The following MTHFD1L variants were observed in gnomAD, a reference collection of about 807,000 sequenced individuals.
MTHFD1L encodes the protein methylenetetrahydrofolate dehydrogenase (NADP+ dependent) 1 like, also known as monofunctional C1-tetrahydrofolate synthase, mitochondrial.
MTHFD1L carries 81 observed loss-of-function variants against 119.5 expected under a neutral mutation model. The observed-to-expected ratio is 0.68, with a 90% confidence interval of 0.57 to 0.82. The LOEUF is 0.82. MTHFD1L is among the 40% of genes least tolerant of loss of function. The pLI is 0.00. For missense variants in MTHFD1L, 1,125 were observed against 1,253.4 expected (o/e 0.90, Z 1.55); for synonymous variants, 430 against 475.2 (o/e 0.90, Z 1.24).
chr6:150,869,317 C>G (rs898573325), intron 1 of MTHFD1L, among the ~76,000 whole-genome samples: 1 of 152,066 alleles, frequency 6.6e-6, no homozygotes, highest in East Asian at 1.9e-4. Context: ...CTAATGCTCT[C>G]CCTCCTCTTG....
chr6:151,032,081 T>C (rs1308202230), intron 24 of MTHFD1L, among the ~76,000 whole-genome samples: 1 of 152,250 alleles, frequency 6.6e-6, no homozygotes, highest in African/African-American at 2.4e-5. Flanking sequence ...GATTGATAGC[T>C]AGTAGAAAAG....
chr6:151,044,288 G>A (rs374157563), intron 26 of MTHFD1L, among the ~76,000 whole-genome samples: 93 of 150,592 alleles, frequency 6.2e-4, no homozygotes, highest in African/African-American at 2.2e-3. Context: ...CACCGCATGG[G>A]TACATTCTTT....
intron 14 of MTHFD1L, 41 bp from the exon 15 acceptor site, chr6:150,945,426 A>G (rs1220067985): frequency 6.5e-7 from 1 of 1,539,664 alleles, no homozygotes; most frequent in African/African-American, 1.4e-5. Context: ...TTCATGGACA[A>G]CTAACTTTTG....
chr6:151,042,704 A>T (rs774661413), intron 26 of MTHFD1L, among the ~76,000 whole-genome samples: 1 of 152,246 alleles, frequency 6.6e-6, no homozygotes, highest in Non-Finnish European at 1.5e-5. Flanking sequence ...ATGTAAGCAA[A>T]GTATATGAAA....
intron 17 of MTHFD1L, among the ~76,000 whole-genome samples, chr6:150,957,893 A>T (rs1795872225): frequency 6.6e-6 from 1 of 152,182 alleles, no homozygotes; most frequent in African/African-American, 2.4e-5. Flanking sequence ...GATGTATGCC[A>T]ACTGTTGGCA....
intron 4 of MTHFD1L, among the ~76,000 whole-genome samples, chr6:150,881,005 A>G (rs1294275578): frequency 5.3e-5 from 8 of 152,274 alleles, no homozygotes; most frequent in Non-Finnish European, 8.8e-5. Context: ...TGTCGGACGC[A>G]TACTTTGCAA....
intron 8 of MTHFD1L, among the ~76,000 whole-genome samples, chr6:150,912,505 G>A (rs6913453): frequency 0.075 from 11,342 of 152,196 alleles, 724 homozygotes; most frequent in African/African-American, 0.17. Flanking sequence ...GCAGAGCCGA[G>A]ATGGCATGAA....
chr6:150,951,033 G>GT (rs562283052), intron 16 of MTHFD1L, among the ~76,000 whole-genome samples: 18,587 of 125,750 alleles, frequency 0.15, 2,102 homozygotes, highest in Admixed American at 0.22. Context: ...AAACTTTATG[G>GT]TTTTTTTTTT....
intron 11 of MTHFD1L, among the ~76,000 whole-genome samples, chr6:150,927,823 G>C (rs1790301586): frequency 6.6e-6 from 1 of 152,074 alleles, no homozygotes; most frequent in African/African-American, 2.4e-5. Context: ...CCCAGGATGA[G>C]GGTGGAGATC....
intron 19 of MTHFD1L, among the ~76,000 whole-genome samples, chr6:150,965,426 C>G (rs1055346962): frequency 1.3e-5 from 2 of 151,962 alleles, no homozygotes; most frequent in Non-Finnish European, 2.9e-5. Flanking sequence ...TTTGTGAGGC[C>G]GAGGTGGGCG....
intron 20 of MTHFD1L, among the ~76,000 whole-genome samples, chr6:150,998,989 T>TA (rs201806937): frequency 6.8e-6 from 1 of 147,836 alleles, no homozygotes; most frequent in African/African-American, 2.5e-5. Flanking sequence ...GACCCTGTCT[T>TA]AAAAAAATAT....
At chr6:151,067,732 A>G (rs947892914) in intron 26 of MTHFD1L, among the ~76,000 whole-genome samples, 1 of 152,386 alleles carries the variant, frequency 6.6e-6, no homozygotes, top group African/African-American at 2.4e-5. Flanking sequence ...ATACAAATGC[A>G]TATCTCCTCA....
In MTHFD1L at chr6:150,877,661, A is replaced by G; in HGVS notation, c.340A>G (p.Ile114Val). The change falls in exon 3 of 28, where the codon ATC (isoleucine) becomes GTC (valine). Residue 114 changes from isoleucine (I) to valine (V), a missense_variant. Physicochemically the swap from Ile to Val is conservative, Grantham distance 29 (BLOSUM62 3). Coordinates refer to ENST00000367321, the MANE Select transcript of MTHFD1L (RefSeq NM_015440.5). ...AGGTGACGACAACTTGATGCAGGAAATCAACCAGAATTTGGCTGAGGAGGT... is the reference window on the plus strand; with the variant it reads ...AGGTGACGACAACTTGATGCAGGAAGTCAACCAGAATTTGGCTGAGGAGGT... ...QAGDDNLMQE[I>V]NQNLAEEAGL... is the part of the protein sequence containing the mutation. 6.2e-7 allele frequency: 1 copy of G among 1,614,200 alleles called. No individual in the cohort carries two copies. The highest frequency in any genetic ancestry group is 8.5e-7 in the Non-Finnish European group (1 of 1,180,030).
intron 11 of MTHFD1L, chr6:150,935,078 T>C: frequency 6.2e-7 from 1 of 1,613,972 alleles, no homozygotes; most frequent in East Asian, 2.2e-5. Context: ...AACTGTCTTA[T>C]ACAGGCTGCA....
In MTHFD1L at chr6:151,050,068, G is replaced by A. The variant is rs562393831; in HGVS notation, c.2847+12951G>A. On this transcript the variant is annotated intron_variant, in intron 26 of 27. Coordinates refer to ENST00000367321, the MANE Select transcript of MTHFD1L (RefSeq NM_015440.5). ...GCCAGACATGTGGAGCTTCCTGGAA[G>A]GCAGGGCACCCAGGTCGGGCATGGA... 1.9e-4 allele frequency among the ~76,000 whole-genome samples: 29 copies of A among 152,334 alleles called. No individual in the cohort carries two copies. In the South Asian group the frequency reaches 2.3e-3, roughly 12 times the overall value.
chr6:150,909,181 C>T (rs1007277453), intron 8 of MTHFD1L, among the ~76,000 whole-genome samples: 2 of 151,724 alleles, frequency 1.3e-5, no homozygotes, highest in African/African-American at 4.8e-5. Context: ...GTTCTGTTCA[C>T]TCTACTATTG....
chr6:150,902,708 G>A (rs915899187), intron 7 of MTHFD1L, among the ~76,000 whole-genome samples: 4 of 152,066 alleles, frequency 2.6e-5, no homozygotes, highest in African/African-American at 9.7e-5. Flanking sequence ...GTTGTGTGTA[G>A]GTATGGAGTT....
At position 150,885,672 on chromosome 6, in the gene MTHFD1L, A is replaced by G; in HGVS notation, c.581A>G (p.Asp194Gly). ...AACCTGGGGAAGCTGGTGCGAGGGG[A>G]TGCCCATGAATGTTTTGTTTCACCT... The part of the protein sequence containing the change: ...DINLGKLVRG[D>G]AHECFVSPVA... The change falls in exon 6 of 28, where the codon GAT (aspartate) becomes GGT (glycine). Residue 194 changes from aspartate to glycine, a missense_variant. Physicochemically the swap from Asp to Gly is moderately conservative, Grantham distance 94 (BLOSUM62 -1). Transcript: ENST00000367321. 1 of 1,614,026 alleles carries G rather than the reference A, an allele frequency of 6.2e-7. No homozygotes were observed. The highest frequency in any genetic ancestry group is 8.5e-7 in the Non-Finnish European group (1 of 1,179,944).
At chr6:150,924,940 G>A (rs762790249) in intron 10 of MTHFD1L, among the ~76,000 whole-genome samples, 29 of 151,850 alleles carry the variant, frequency 1.9e-4, no homozygotes, top group African/African-American at 2.2e-4. Flanking sequence ...CGGTACTTGA[G>A]GGGGGTAACC....
Sources: gnomAD v4.1 joint callset for allele counts (sites outside exome capture counted in the v4.1 genomes callset) on GRCh38, gnomAD v4.1.1 for gene constraint, MANE v1.5 for transcripts, NCBI Gene and HGNC (gene_info 2026-07-23, HGNC 2026-07-21) for gene names.